The following PRKRIP1 variants were observed in gnomAD, a reference collection of about 807,000 sequenced individuals.
PRKRIP1 encodes PRKR interacting protein 1.
Under a neutral mutation model 29.3 loss-of-function variants are expected in PRKRIP1, and 29 were observed. That is an observed-to-expected ratio of 0.99 (90% CI 0.74 to 1.35). The LOEUF (loss-of-function observed/expected upper bound fraction) is 1.35. Ranked by LOEUF, PRKRIP1 falls within the 40% of genes most tolerant of loss-of-function variation. The pLI, the probability that PRKRIP1 is intolerant of heterozygous loss-of-function variation, is 0.00. For synonymous variants in PRKRIP1, 90 were observed against 85.1 expected (o/e 1.06, Z -0.32); for missense variants, 247 against 236.8 (o/e 1.04, Z -0.28).
At chr7:102,399,202 A>G (rs1554570869) in intron 2 of PRKRIP1, among the ~76,000 whole-genome samples, 2 of 152,214 alleles carry the variant, frequency 1.3e-5, no homozygotes, top group Non-Finnish European at 2.9e-5. Context: ...AAGCACCTTT[A>G]TTTCATTTAA....
At chr7:102,419,151 C>T (rs890953709) in intron 5 of PRKRIP1, among the ~76,000 whole-genome samples, 3 of 152,102 alleles carry the variant, frequency 2.0e-5, no homozygotes, top group African/African-American at 7.2e-5. Context: ...CAGTGGCTCA[C>T]GCCTGTAATC....
chr7:102,412,262 A>G (rs1210659584), intron 5 of PRKRIP1, among the ~76,000 whole-genome samples: 1 of 152,212 alleles, frequency 6.6e-6, no homozygotes, highest in Non-Finnish European at 1.5e-5. Flanking sequence ...TAACCATCAT[A>G]AAAGTGGTTT....
rs1554570338 is a variant in PRKRIP1 at position 102,396,443 on chromosome 7, C to A, written c.32C>A (p.Pro11Gln). The A allele has an allele frequency of 1.9e-6, 3 of 1,598,864 alleles. No individual in the cohort carries two copies. The highest frequency in any genetic ancestry group is 2.6e-6 in the Non-Finnish European group (3 of 1,176,300). MASPAASSVR[P>Q]PRPKKEPQTL... ...AGCCCAGCCGCCTCCTCGGTGCGAC[C>A]ACCGAGGCCCAAGAAAGAGCCGCAG... Residue 11 changes from proline (P) to glutamine (Q), a missense_variant, in exon 1 of 6, where the codon CCA becomes CAA. Coordinates refer to ENST00000397912, the MANE Select transcript of PRKRIP1 (RefSeq NM_024653.4).
Position 102,396,383 on chromosome 7 carries a change from C to G in PRKRIP1, c.-29C>G, listed in dbSNP as rs199724849. 8 of 1,508,832 alleles carry G rather than the reference C, an allele frequency of 5.3e-6. No individual in the cohort carries two copies. The African/African-American group carries it at 1.0e-4, about 19-fold the overall frequency. 93.5% of individuals were successfully genotyped at this position (1,508,832 alleles called of 1,614,324 possible). A position where few individuals can be genotyped will look rare whatever the true frequency, so the allele number is the denominator to read the frequency against. On this transcript the variant is annotated 5_prime_UTR_variant, in exon 1 of 6. Transcript: ENST00000397912. ...TCGTCATACTTGCGCGCCGACGCCG[C>G]CGCTCGCTTGTGAAACTGGAAGGCT...
At position 102,396,381 on chromosome 7, in the gene PRKRIP1, C is replaced by T. The variant is rs371266379; in HGVS notation, c.-31C>T. On this transcript the variant is annotated 5_prime_UTR_variant, in exon 1 of 6. Coordinates refer to ENST00000397912, the MANE Select transcript of PRKRIP1 (RefSeq NM_024653.4). ...TGTCGTCATACTTGCGCGCCGACGCCGCCGCTCGCTTGTGAAACTGGAAGG... is the reference window on the plus strand; with the variant it reads ...TGTCGTCATACTTGCGCGCCGACGCTGCCGCTCGCTTGTGAAACTGGAAGG... The T allele has an allele frequency of 3.0e-5, 45 of 1,504,724 alleles. No homozygotes were observed. The highest frequency in any genetic ancestry group is 2.3e-4 in the East Asian group (9 of 39,970). The allele number at this position is 1,504,724 out of a possible 1,614,324, so 93.2% of individuals were successfully genotyped here. A position where few individuals can be genotyped will look rare whatever the true frequency, so the allele number is the denominator to read the frequency against.
intron 5 of PRKRIP1, among the ~76,000 whole-genome samples, chr7:102,424,271 C>G (rs1554574168): frequency 2.6e-5 from 4 of 152,240 alleles, no homozygotes; most frequent in Non-Finnish European, 5.9e-5. Context: ...CCTCAAGGAG[C>G]ATTGGCTGGC....
intron 3 of PRKRIP1, among the ~76,000 whole-genome samples, chr7:102,402,885 CT>C (rs797037806): frequency 3.6e-4 from 53 of 147,436 alleles, no homozygotes; most frequent in Middle Eastern, 3.5e-3. Flanking sequence ...CACGGCTCAG[CT>C]TTTTTTTTTT....
At chr7:102,400,953 G>T (rs953498025) in intron 3 of PRKRIP1, among the ~76,000 whole-genome samples, 3 of 152,068 alleles carry the variant, frequency 2.0e-5, no homozygotes, top group Admixed American at 2.0e-4. Context: ...ACTTTAAAAG[G>T]AAGAAGAAAA....
rs1586673664 is a variant in PRKRIP1, at chr7:102,399,536, T to C, written c.206-12T>C. ...GAATTTCATCTAGAACTGTGGACTG[T>C]TCTGGCTACAGGTTCAAGTGCTGGG... On this transcript the variant is annotated splice_polypyrimidine_tract_variant and intron_variant, in intron 2 of 5. Transcript: ENST00000397912. The C allele has an allele frequency of 2.5e-6, 4 of 1,610,764 alleles. No individual in the cohort carries two copies. The highest frequency in any genetic ancestry group is 3.4e-6 in the Non-Finnish European group (4 of 1,177,004).
intron 5 of PRKRIP1, among the ~76,000 whole-genome samples, chr7:102,414,203 G>C (rs1796471593): frequency 6.6e-6 from 1 of 152,046 alleles, no homozygotes; most frequent in Admixed American, 6.6e-5. Flanking sequence ...TCCAGCCTGG[G>C]TGGCTGAGTG....
chr7:102,426,406 G>A lies in PRKRIP1; in HGVS notation c.*1295G>A, dbSNP rs1174497684. The A allele has an allele frequency of 6.5e-6, 1 of 152,672 alleles. No individual in the cohort carries two copies. The highest frequency in any genetic ancestry group is 1.5e-5 in the Non-Finnish European group (1 of 68,058). The allele number at this position is 152,672 out of a possible 1,614,324, so 9.5% of individuals were successfully genotyped here. On this transcript the variant is annotated 3_prime_UTR_variant, in exon 6 of 6. Coordinates refer to ENST00000397912, the MANE Select transcript of PRKRIP1 (RefSeq NM_024653.4). ...CTCCATTTTTGGATGATTTAGCCCC[G>A]AGTTCCTGAGTCTATTTTATGCCCC...
chr7:102,420,568 A>G (rs1554573629), intron 5 of PRKRIP1, among the ~76,000 whole-genome samples: 2 of 152,170 alleles, frequency 1.3e-5, no homozygotes, highest in Non-Finnish European at 2.9e-5. Context: ...GAACTGGGGT[A>G]ATTTTGTCAA....
intron 5 of PRKRIP1, among the ~76,000 whole-genome samples, chr7:102,412,125 C>G (rs1554572606): frequency 6.6e-6 from 1 of 152,016 alleles, no homozygotes; most frequent in African/African-American, 2.4e-5. Flanking sequence ...CCTCGGCCTC[C>G]CAAAGTGCTG....
At chr7:102,408,713 G>A (rs1196922583) in intron 5 of PRKRIP1, among the ~76,000 whole-genome samples, 3 of 152,124 alleles carry the variant, frequency 2.0e-5, no homozygotes, top group East Asian at 3.9e-4. Flanking sequence ...TTTCATTGAC[G>A]TATTAAAATA....
At chr7:102,402,044 T>G (rs1408462064) in intron 3 of PRKRIP1, among the ~76,000 whole-genome samples, 1 of 152,214 alleles carries the variant, frequency 6.6e-6, no homozygotes, top group African/African-American at 2.4e-5. Context: ...CCATCTTTTG[T>G]TGGTAACAGT....
intron 3 of PRKRIP1, 123 bp from the exon 4 acceptor site, chr7:102,404,475 C>G (rs1796159022): frequency 6.7e-6 from 5 of 742,776 alleles, no homozygotes; most frequent in Non-Finnish European, 1.2e-5. Flanking sequence ...CCCTGGGGAC[C>G]CGGGTAGTGC....
rs192177271 is a variant in PRKRIP1, at chr7:102,413,016, G to A, written c.457+5518G>A. ...CCTGCCCATCAAAGAAATCCAGGGC[G>A]CCCTTAGGGGATTTGTTACTAGGTA... On this transcript the variant is annotated intron_variant, in intron 5 of 5. Coordinates refer to ENST00000397912, the MANE Select transcript of PRKRIP1 (RefSeq NM_024653.4). 5.4e-4 allele frequency among the ~76,000 whole-genome samples: 82 copies of A among 152,310 alleles called. 1 individual carries two copies. Among genetic ancestry groups the A allele is most frequent in the Non-Finnish European group, 7.3e-5 (5 of 68,034 alleles).
chr7:102,399,520 C>T, intron 2 of PRKRIP1, 28 bp from the exon 3 acceptor site: 2 of 1,587,306 alleles, frequency 1.3e-6, no homozygotes, highest in South Asian at 1.1e-5. Flanking sequence ...TGAATTTCAT[C>T]TAGAACTGTG....
intron 5 of PRKRIP1, among the ~76,000 whole-genome samples, chr7:102,419,878 TG>T: frequency 6.7e-6 from 1 of 148,554 alleles, no homozygotes; most frequent in Non-Finnish European, 1.5e-5. Context: ...TGTGTGTGTG[TG>T]TGTGTGTGTG....
Sources: gnomAD v4.1 joint callset for allele counts (sites outside exome capture counted in the v4.1 genomes callset) on GRCh38, gnomAD v4.1.1 for gene constraint, MANE v1.5 for transcripts, NCBI Gene and HGNC (gene_info 2026-07-23, HGNC 2026-07-21) for gene names.